The following STK33 variants were observed in gnomAD, a reference collection of about 807,000 sequenced individuals.
STK33 encodes serine/threonine-protein kinase 33.
In STK33, 52 loss-of-function variants were observed where a neutral mutation model predicts 58.0. The ratio of observed to expected loss-of-function variants is 0.90; its 90% CI spans 0.72 to 1.13. The LOEUF (loss-of-function observed/expected upper bound fraction) is 1.13, where lower values mean the gene tolerates loss of function less well. Ranked by LOEUF, STK33 falls within the 50% of genes most tolerant of loss-of-function variation. STK33 has a pLI of 0.00. For missense variants in STK33, 630 were observed against 604.2 expected, an observed-to-expected ratio of 1.04 and a Z score of -0.45; for synonymous variants, 215 against 200.1, an observed-to-expected ratio of 1.07 and a Z score of -0.63.
At chr11:8,343,626 G>A in the STK33 span, among the ~76,000 whole-genome samples, 28 of 152,292 alleles carry the variant, frequency 1.8e-4, no homozygotes, top group East Asian at 2.1e-3. Context: ...ATGCATTCGC[G>A]CCTCACTCCT....
chr11:8,473,104 A>T, intron 6 of STK33, 59 bp downstream of exon 6: 3 of 1,005,682 alleles, frequency 3.0e-6, no homozygotes, highest in Non-Finnish European at 4.5e-6. Flanking sequence ...TTTTCCTATT[A>T]ACCATTGACT....
intron 15 of STK33, among the ~76,000 whole-genome samples, chr11:8,408,787 A>G (rs1939704743): frequency 6.6e-6 from 1 of 152,216 alleles, no homozygotes; most frequent in African/African-American, 2.4e-5. Context: ...AGGAAAAGAC[A>G]CTTCAGGCTA....
At chr11:8,361,770 G>T in the STK33 span, among the ~76,000 whole-genome samples, 35 of 152,252 alleles carry the variant, frequency 2.3e-4, no homozygotes, top group Non-Finnish European at 1.0e-4. The surrounding 1 kb of genome is among the most constrained non-coding windows in gnomAD (Gnocchi z 4.8). Flanking sequence ...CAGGATGGCA[G>T]GATCCCTGGC....
At position 8,572,753 on chromosome 11, in the gene STK33, C is replaced by T. The variant is rs536854907; in HGVS notation, c.-466+21330G>A. 2.1e-4 allele frequency among the ~76,000 whole-genome samples: 31 copies of T among 151,074 alleles called. No homozygotes were observed. In the South Asian group the frequency reaches 6.5e-3, roughly 32 times the overall value. ...TATATTTTAAATGACCCAAATGGAA[C>T]CTCTACAGATGAAAAATACAATACC... On this transcript the variant is annotated intron_variant, in intron 1 of 15. Transcript: ENST00000687296.
chr11:8,579,799 G>A (rs185073610), intron 1 of STK33, among the ~76,000 whole-genome samples: 91 of 152,114 alleles, frequency 6.0e-4, no homozygotes, highest in African/African-American at 2.1e-3. Context: ...TTTTTAAAAT[G>A]GGCAAAAGAT....
At chr11:8,553,804 C>G (rs570265139) in intron 1 of STK33, among the ~76,000 whole-genome samples, 1 of 152,126 alleles carries the variant, frequency 6.6e-6, no homozygotes, top group East Asian at 1.9e-4. Context: ...AAAATCAACT[C>G]CAAATGGATT....
chr11:8,424,846 T>C (rs1942493764), intron 14 of STK33, among the ~76,000 whole-genome samples: 1 of 141,056 alleles, frequency 7.1e-6, no homozygotes, highest in Non-Finnish European at 1.5e-5. Context: ...GTTTTTTTCT[T>C]GTAAATTTGT....
chr11:8,428,606 T>C (rs978693907), intron 14 of STK33, among the ~76,000 whole-genome samples: 1 of 152,244 alleles, frequency 6.6e-6, no homozygotes, highest in African/African-American at 2.4e-5. Flanking sequence ...ACAGCTGTGA[T>C]GAACTGCATG....
intron 15 of STK33, among the ~76,000 whole-genome samples, chr11:8,398,026 G>C (rs898354712): frequency 2.0e-5 from 3 of 152,254 alleles, no homozygotes; most frequent in Admixed American, 2.0e-4. Flanking sequence ...AACCAAGTTG[G>C]AAAACACTCT....
At chr11:8,582,639 G>A (rs1358315274) in intron 1 of STK33, among the ~76,000 whole-genome samples, 1 of 152,114 alleles carries the variant, frequency 6.6e-6, no homozygotes, top group African/African-American at 2.4e-5. Flanking sequence ...GGGATTATGG[G>A]GATTATGGGA....
At chr11:8,357,099 A>C in the STK33 span, among the ~76,000 whole-genome samples, 1 of 152,212 alleles carries the variant, frequency 6.6e-6, no homozygotes, top group African/African-American at 2.4e-5. Context: ...TCCTCCCGGC[A>C]GGGCTGTCAT....
chr11:8,382,060 C>A, the STK33 span, among the ~76,000 whole-genome samples: 8 of 152,162 alleles, frequency 5.3e-5, no homozygotes, highest in Admixed American at 3.9e-4. Flanking sequence ...TCCTGCCTCG[C>A]CCCCACCCCC....
chr11:8,509,504 C>T (rs1184480955), intron 1 of STK33, among the ~76,000 whole-genome samples: 1 of 152,108 alleles, frequency 6.6e-6, no homozygotes, highest in African/African-American at 2.4e-5. Context: ...ATATTTGTTA[C>T]AAAATAGTAC....
intron 1 of STK33, among the ~76,000 whole-genome samples, chr11:8,512,867 C>G (rs1488459946): frequency 6.6e-6 from 1 of 152,150 alleles, no homozygotes; most frequent in Non-Finnish European, 1.5e-5. Flanking sequence ...GCTCTTCTTT[C>G]TTCCTATTGT....
At chr11:8,591,737 A>T (rs563416523) in intron 1 of STK33, among the ~76,000 whole-genome samples, 40 of 152,212 alleles carry the variant, frequency 2.6e-4, no homozygotes, top group African/African-American at 8.7e-4. Flanking sequence ...TCGCAAGGAC[A>T]AAAAACCAAA....
At chr11:8,338,026 T>C in the STK33 span, among the ~76,000 whole-genome samples, 1 of 152,236 alleles carries the variant, frequency 6.6e-6, no homozygotes, top group Non-Finnish European at 1.5e-5. Flanking sequence ...TTCTTTTCCT[T>C]GCTTGTGTTG....
downstream of STK33, among the ~76,000 whole-genome samples, chr11:8,389,545 A>AGGAC (rs1216720008): frequency 6.6e-6 from 1 of 152,216 alleles, no homozygotes; most frequent in Non-Finnish European, 1.5e-5. Context: ...CAGCCATTAT[A>AGGAC]GGACGCAACT....
At chr11:8,477,186 C>CT (rs1415412214) in intron 3 of STK33, 64 bp downstream of exon 3, 2 of 139,244 alleles carry the variant, frequency 1.4e-5, no homozygotes, top group African/African-American at 5.7e-5. Context: ...ATACACATCT[C>CT]TTATAAACAC....
intron 9 of STK33, among the ~76,000 whole-genome samples, chr11:8,455,880 C>T (rs1202801676): frequency 1.3e-5 from 2 of 150,416 alleles, no homozygotes; most frequent in African/African-American, 2.4e-5. Context: ...ATGAGTCCTG[C>T]ACTGGCAATT....
Sources: allele counts gnomAD v4.1 joint callset (sites outside exome capture counted in the v4.1 genomes callset), GRCh38; gene constraint gnomAD v4.1.1; non-coding constraint Gnocchi (gnomAD v3.1); transcripts MANE v1.5; gene names NCBI Gene and HGNC (gene_info 2026-07-23, HGNC 2026-07-21).